SPATA17: variants seen among roughly 807,000 people sequenced by gnomAD.
SPATA17 encodes spermatogenesis-associated protein 17.
Under a neutral mutation model 62.2 loss-of-function variants are expected in SPATA17, and 53 were observed. The ratio of observed to expected loss-of-function variants is 0.85; its 90% CI spans 0.68 to 1.07. The LOEUF (loss-of-function observed/expected upper bound fraction) is 1.07. Ranked by LOEUF, SPATA17 falls within the 50% of genes least tolerant of loss-of-function variation. The pLI is 0.00. For synonymous variants in SPATA17, 146 were observed against 146.8 expected (o/e 0.99, Z 0.04); for missense variants, 466 against 425.5 (o/e 1.10, Z -0.84).
chr1:217,732,973 A>G (rs1444126422), intron 5 of SPATA17, among the ~76,000 whole-genome samples: 3 of 152,180 alleles, frequency 2.0e-5, no homozygotes, highest in African/African-American at 7.2e-5. Flanking sequence ...ATACTATACA[A>G]AAATTCTTTT....
chr1:217,845,061 T>C (rs1420619474), intron 9 of SPATA17, among the ~76,000 whole-genome samples: 2 of 152,124 alleles, frequency 1.3e-5, no homozygotes, highest in Non-Finnish European at 2.9e-5. Context: ...ATTGTTTCTA[T>C]GTATATCTGG....
chr1:217,636,905 G>A (rs932092042), intron 1 of SPATA17, among the ~76,000 whole-genome samples: 2 of 152,096 alleles, frequency 1.3e-5, no homozygotes, highest in African/African-American at 4.8e-5. Flanking sequence ...AAACACATAA[G>A]TTTTTTAACA....
chr1:217,646,665 G>C (rs895276323), intron 1 of SPATA17, among the ~76,000 whole-genome samples: 1 of 152,112 alleles, frequency 6.6e-6, no homozygotes, highest in Admixed American at 6.5e-5. Context: ...GGGAGGCCGA[G>C]GTGGGTGGAT....
At chr1:217,638,500 G>A (rs1050148720) in intron 1 of SPATA17, among the ~76,000 whole-genome samples, 1 of 152,086 alleles carries the variant, frequency 6.6e-6, no homozygotes, top group Non-Finnish European at 1.5e-5. Context: ...CTGGCTCATT[G>A]ATGGGGAAAA....
At chr1:217,669,595 T>G (rs987609443) in intron 4 of SPATA17, among the ~76,000 whole-genome samples, 12 of 152,204 alleles carry the variant, frequency 7.9e-5, no homozygotes, top group Admixed American at 5.2e-4. Context: ...TGAACTCGGT[T>G]TCTGCACTGA....
chr1:217,675,615 T>C (rs964203589), intron 4 of SPATA17, among the ~76,000 whole-genome samples: 2 of 152,200 alleles, frequency 1.3e-5, no homozygotes, highest in African/African-American at 4.8e-5. Flanking sequence ...TCAGAACCAC[T>C]GGTAAATACT....
intron 6 of SPATA17, among the ~76,000 whole-genome samples, chr1:217,745,200 A>G (rs1672720418): frequency 6.6e-6 from 1 of 152,196 alleles, no homozygotes; most frequent in Non-Finnish European, 1.5e-5. Context: ...AAATGTTACA[A>G]AAATATCAGG....
intron 6 of SPATA17, among the ~76,000 whole-genome samples, chr1:217,755,810 T>C (rs1393951721): frequency 1.3e-5 from 2 of 152,050 alleles, no homozygotes; most frequent in Non-Finnish European, 2.9e-5. Flanking sequence ...ATCATCTGTA[T>C]TGGTCTTAAA....
intron 6 of SPATA17, among the ~76,000 whole-genome samples, chr1:217,766,840 A>G (rs569610895): frequency 7.9e-5 from 12 of 151,596 alleles, no homozygotes; most frequent in Admixed American, 2.6e-4. Context: ...AAATGATTTT[A>G]TCACCCAGGT....
rs774059954 is a variant in SPATA17 at position 217,644,378 on chromosome 1, G to A, written c.69-4504G>A. Among the ~76,000 whole-genome samples the A allele has an allele frequency of 3.9e-5, 6 of 152,040 alleles. No individual in the cohort carries two copies. The East Asian group carries it at 5.8e-4, about 15-fold the overall frequency. ...TTAAGGAGCATGAAATCCTTAAGAC[G>A]TAGTAGTGAAATTATATGCAAAACA... On this transcript the variant is annotated intron_variant, in intron 1 of 10. Transcript: ENST00000366933.
chr1:217,865,455 G>A (rs983376183), intron 10 of SPATA17, among the ~76,000 whole-genome samples: 6 of 152,054 alleles, frequency 3.9e-5, no homozygotes, highest in East Asian at 3.9e-4. Context: ...AAAAATACAC[G>A]GAACTAGATC....
At chr1:217,658,246 C>T (rs983452260) in intron 3 of SPATA17, among the ~76,000 whole-genome samples, 1 of 152,126 alleles carries the variant, frequency 6.6e-6, no homozygotes, top group African/African-American at 2.4e-5. Context: ...ACTTGGTCCC[C>T]TCCCCACAGT....
chr1:217,643,471 T>A (rs1409534926), intron 1 of SPATA17, among the ~76,000 whole-genome samples: 1 of 152,098 alleles, frequency 6.6e-6, no homozygotes, highest in Non-Finnish European at 1.5e-5. Context: ...TGGGACACAC[T>A]GTCCTTGCTA....
At chr1:217,680,874 G>A (rs938182524) in intron 4 of SPATA17, among the ~76,000 whole-genome samples, 2 of 140,206 alleles carry the variant, frequency 1.4e-5, no homozygotes, top group African/African-American at 2.6e-5. Flanking sequence ...GCAGTGGGCC[G>A]AGATCATGCC....
At chr1:217,708,552 C>A (rs761348724) in intron 5 of SPATA17, among the ~76,000 whole-genome samples, 2 of 151,938 alleles carry the variant, frequency 1.3e-5, no homozygotes, top group Non-Finnish European at 2.9e-5. Flanking sequence ...AAAGTTGAAT[C>A]AATAATAAGA....
At chr1:217,765,053 A>T (rs987938933) in intron 6 of SPATA17, among the ~76,000 whole-genome samples, 2 of 152,106 alleles carry the variant, frequency 1.3e-5, no homozygotes, top group Non-Finnish European at 2.9e-5. Context: ...ATTTGTGGGC[A>T]TGGAGTCATT....
intron 8 of SPATA17, among the ~76,000 whole-genome samples, chr1:217,797,368 G>A (rs1190673358): frequency 6.6e-6 from 1 of 150,542 alleles, no homozygotes; most frequent in East Asian, 2.0e-4. Flanking sequence ...TCCTGCCTTA[G>A]CCTCTTGAGT....
chr1:217,793,243 C>T (rs574550308), intron 8 of SPATA17, among the ~76,000 whole-genome samples: 19 of 96,518 alleles, frequency 2.0e-4, no homozygotes, highest in South Asian at 1.2e-3. Context: ...TTTTTTGAGA[C>T]GGAGTCTTGC....
chr1:217,865,416 T>A (rs996414192), intron 10 of SPATA17, among the ~76,000 whole-genome samples: 1 of 152,186 alleles, frequency 6.6e-6, no homozygotes, highest in Non-Finnish European at 1.5e-5. Context: ...CTAGCTGTTA[T>A]CATTAATGCT....
Sources: allele counts gnomAD v4.1 joint callset (sites outside exome capture counted in the v4.1 genomes callset), GRCh38; gene constraint gnomAD v4.1.1; transcripts MANE v1.5; gene names NCBI Gene and HGNC (gene_info 2026-07-23, HGNC 2026-07-21).